Variants in MAN1C1 observed in about 807,000 individuals in gnomAD.
MAN1C1 encodes mannosyl-oligosaccharide 1,2-alpha-mannosidase IC.
A neutral mutation model predicts 71.5 loss-of-function variants in MAN1C1; 49 were observed. The ratio of observed to expected loss-of-function variants is 0.69; its 90% confidence interval spans 0.54 to 0.87. The LOEUF (loss-of-function observed/expected upper bound fraction) is 0.87. MAN1C1 is among the 40% of genes least tolerant of loss of function. The pLI is 0.00. For synonymous variants in MAN1C1, 352 were observed against 343.7 expected (o/e 1.02, Z -0.27); for missense variants, 743 against 835.0 (o/e 0.89, Z 1.36).
chr1:25,736,677 C>T (rs2046987251), intron 2 of MAN1C1, among the ~76,000 whole-genome samples: 1 of 152,152 alleles, frequency 6.6e-6, no homozygotes, highest in Non-Finnish European at 1.5e-5. Flanking sequence ...CAGGCACATG[C>T]CCCTATGTCT....
At chr1:25,677,846 C>CTT (rs772618301) in intron 1 of MAN1C1, among the ~76,000 whole-genome samples, 1,264 of 98,300 alleles carry the variant, frequency 0.013, 119 homozygotes, top group East Asian at 0.057. Context: ...TAAAGACCTC[C>CTT]TTTTTTTTTT....
At chr1:25,710,556 A>G (rs2046600245) in intron 2 of MAN1C1, among the ~76,000 whole-genome samples, 1 of 152,118 alleles carries the variant, frequency 6.6e-6, no homozygotes, top group Non-Finnish European at 1.5e-5. Context: ...TAAAAATCCT[A>G]TTGATTTCTG....
chr1:25,637,488 C>T (rs1023801275), intron 1 of MAN1C1, among the ~76,000 whole-genome samples: 13 of 152,014 alleles, frequency 8.6e-5, no homozygotes, highest in African/African-American at 3.1e-4. Flanking sequence ...TCTATATTGG[C>T]AAATGTTCCA....
intron 2 of MAN1C1, among the ~76,000 whole-genome samples, chr1:25,696,570 C>T (rs1165282557): frequency 2.6e-5 from 4 of 152,164 alleles, no homozygotes; most frequent in African/African-American, 9.7e-5. Flanking sequence ...ATTTCCATCA[C>T]CCTAAAAGGT....
At position 25,783,982 on chromosome 1, in the gene MAN1C1, A is replaced by AGTG; in HGVS notation, c.*193_*194insGTG. 3 of 667,098 alleles carry AGTG rather than the reference A, an allele frequency of 4.5e-6. No homozygotes were observed. Among genetic ancestry groups the AGTG allele is most frequent in the Non-Finnish European group, 7.4e-6 (3 of 407,710 alleles). 41.3% of individuals were successfully genotyped at this position (667,098 alleles called of 1,614,324 possible). A position where few individuals can be genotyped will look rare whatever the true frequency, so the allele number is the denominator to read the frequency against. On this transcript the variant is annotated 3_prime_UTR_variant, in exon 12 of 12. Transcript: ENST00000374332. ...GACTCAGCGATGTCAGGCCAGGGCC[A>AGTG]TGGCCACACTGGCCCACACATTCCT...
rs993564300 is a variant in MAN1C1 at position 25,758,488 on chromosome 1, C to A, written c.930-104C>A. The A allele has an allele frequency of 7.6e-6, 7 of 923,994 alleles. No individual in the cohort carries two copies. In the African/African-American group the frequency reaches 8.1e-5, roughly 11 times the overall value. The allele number at this position is 923,994 out of a possible 1,614,324, so 57.2% of individuals were successfully genotyped here. On this transcript the variant is annotated intron_variant, in intron 5 of 11. Transcript: ENST00000374332. ...TACGGCGAAAGCTCCTGGTTCCATG[C>A]CTGTCACATAGTAGGTGCCCCCACC...
chr1:25,632,781 T>C (rs1025978800), intron 1 of MAN1C1, among the ~76,000 whole-genome samples: 1 of 152,188 alleles, frequency 6.6e-6, no homozygotes. Context: ...TTTTCATGTA[T>C]TTGTACCATT....
At chr1:25,729,222 G>A (rs2046875442) in intron 2 of MAN1C1, among the ~76,000 whole-genome samples, 1 of 152,164 alleles carries the variant, frequency 6.6e-6, no homozygotes, top group Non-Finnish European at 1.5e-5. Context: ...TCCCTGACCA[G>A]CTTCCTACCT....
chr1:25,655,317 C>A (rs2045749307), intron 1 of MAN1C1, among the ~76,000 whole-genome samples: 1 of 152,168 alleles, frequency 6.6e-6, no homozygotes, highest in African/African-American at 2.4e-5. Flanking sequence ...AGGGAGGGAA[C>A]CTGCTGTCCA....
intron 1 of MAN1C1, among the ~76,000 whole-genome samples, chr1:25,679,350 T>G (rs2046113378): frequency 6.6e-6 from 1 of 152,190 alleles, no homozygotes; most frequent in Non-Finnish European, 1.5e-5. Flanking sequence ...GACTTCTTCC[T>G]TCTCTGACCA....
At chr1:25,676,691 C>T (rs974450930) in intron 1 of MAN1C1, among the ~76,000 whole-genome samples, 20 of 152,182 alleles carry the variant, frequency 1.3e-4, no homozygotes, top group African/African-American at 3.1e-4. Flanking sequence ...TAAGGCTGCA[C>T]GTCATGGTGT....
At chr1:25,674,800 T>C (rs1007571850) in intron 1 of MAN1C1, among the ~76,000 whole-genome samples, 3 of 152,076 alleles carry the variant, frequency 2.0e-5, no homozygotes, top group African/African-American at 7.2e-5. Context: ...AAGAAGGAGT[T>C]TATTTAAGTG....
At chr1:25,694,208 C>T (rs1236415640) in intron 2 of MAN1C1, among the ~76,000 whole-genome samples, 4 of 152,124 alleles carry the variant, frequency 2.6e-5, no homozygotes, top group African/African-American at 9.7e-5. Context: ...GCCTTGACCT[C>T]TCGTCACAGA....
intron 6 of MAN1C1, 54 bp downstream of exon 6, chr1:25,758,763 T>C: frequency 6.6e-7 from 1 of 1,503,810 alleles, no homozygotes; most frequent in East Asian, 2.3e-5. Flanking sequence ...AGCGTGCGGC[T>C]GCCACAGGGT....
chr1:25,644,294 G>T lies in MAN1C1; in HGVS notation c.540+25957G>T, dbSNP rs1011541245. Among the ~76,000 whole-genome samples, 3 of 151,844 alleles carry T rather than the reference G, an allele frequency of 2.0e-5. No homozygotes were observed. The East Asian group carries it at 5.8e-4, about 29-fold the overall frequency. ...GGGAGGTGTTGTGCATGTGGATATA[G>T]GTGCAGCTTGGAAAGGTCAAGGCTT... On this transcript the variant is annotated intron_variant, in intron 1 of 11. Coordinates refer to ENST00000374332, the MANE Select transcript of MAN1C1 (RefSeq NM_020379.4).
chr1:25,670,728 C>G (rs79579665), intron 1 of MAN1C1, among the ~76,000 whole-genome samples: 3,593 of 152,350 alleles, frequency 0.024, 150 homozygotes, highest in African/African-American at 0.082. Context: ...GCTTCAAACA[C>G]TGGCTCTGCC....
At chr1:25,652,753 G>T (rs1201251321) in intron 1 of MAN1C1, among the ~76,000 whole-genome samples, 1 of 152,122 alleles carries the variant, frequency 6.6e-6, no homozygotes, top group Non-Finnish European at 1.5e-5. Context: ...GATCACCCTC[G>T]GGGTTGCAGT....
chr1:25,728,570 C>T (rs1171487754), intron 2 of MAN1C1, among the ~76,000 whole-genome samples: 1 of 152,170 alleles, frequency 6.6e-6, no homozygotes, highest in Non-Finnish European at 1.5e-5. Context: ...GTGGGGAGAG[C>T]TCTGTTCCCT....
At position 25,648,864 on chromosome 1, in the gene MAN1C1, C is replaced by A. The variant is rs930747676; in HGVS notation, c.540+30527C>A. On this transcript the variant is annotated intron_variant, in intron 1 of 11. Transcript: ENST00000374332. ...TATGTGGTTGCCATGGAAATGTCTT[C>A]TAACGTGGCATTCCAAGAGCAAAGA... Among the ~76,000 whole-genome samples, 10 of 152,352 alleles carry A rather than the reference C, an allele frequency of 6.6e-5. No individual in the cohort carries two copies. The South Asian group carries it at 1.0e-3, about 16-fold the overall frequency.
Sources: allele counts gnomAD v4.1 joint callset (sites outside exome capture counted in the v4.1 genomes callset), GRCh38; gene constraint gnomAD v4.1.1; transcripts MANE v1.5; gene names NCBI Gene and HGNC (gene_info 2026-07-23, HGNC 2026-07-21).